USO1: variants seen among roughly 807,000 people sequenced by gnomAD.
USO1 encodes the protein USO1 vesicle transport factor, also known as general vesicular transport factor p115.
Under a neutral mutation model 124.5 loss-of-function variants are expected in USO1, and 57 were observed. That is an observed-to-expected ratio of 0.46 (90% CI 0.37 to 0.57). The LOEUF is 0.57. Ranked by LOEUF, USO1 falls within the 20% of genes least tolerant of loss-of-function variation. USO1 has a pLI of 0.00. For missense variants in USO1, 900 were observed against 1,040.6 expected, an observed-to-expected ratio of 0.86 and a Z score of 1.86; for synonymous variants, 369 against 362.8, an observed-to-expected ratio of 1.02 and a Z score of -0.19.
At chr4:75,744,844 A>C (rs1442137193) in intron 1 of USO1, 2 of 449,096 alleles carry the variant, frequency 4.5e-6, no homozygotes, top group South Asian at 3.3e-5. Context: ...GATACTTCCG[A>C]TGTGTTTTGT....
intron 14 of USO1, 100 bp downstream of exon 14, chr4:75,799,832 T>C (rs142180400): frequency 9.5e-6 from 13 of 1,364,554 alleles, no homozygotes; most frequent in African/African-American, 1.5e-5. Flanking sequence ...ATTTGAATTC[T>C]CCACTATCTT....
chr4:75,774,888 C>T, intron 8 of USO1, 92 bp downstream of exon 8: 1 of 1,457,024 alleles, frequency 6.9e-7, no homozygotes, highest in East Asian at 2.5e-5. Flanking sequence ...GAAATGGGGA[C>T]TCTTATTTAT....
intron 1 of USO1, among the ~76,000 whole-genome samples, chr4:75,725,193 C>G (rs546849644): frequency 3.9e-5 from 6 of 152,316 alleles, no homozygotes; most frequent in South Asian, 2.1e-4. Context: ...GATGCGCGGC[C>G]GAGCTGGCCC....
At chr4:75,792,098 A>G (rs1403991503) in intron 12 of USO1, among the ~76,000 whole-genome samples, 2 of 151,804 alleles carry the variant, frequency 1.3e-5, no homozygotes, top group African/African-American at 4.8e-5. Flanking sequence ...CTCATTAAGT[A>G]ATTTTGAAAT....
intron 1 of USO1, among the ~76,000 whole-genome samples, chr4:75,732,652 G>C (rs1438609408): frequency 3.3e-5 from 5 of 152,044 alleles, no homozygotes; most frequent in Non-Finnish European, 7.4e-5. Flanking sequence ...GCTGAGGCGG[G>C]CAGATCACGA....
In USO1 at chr4:75,808,950, T is replaced by C. The variant is rs1272429751; in HGVS notation, c.2377-3T>C. The C allele has an allele frequency of 6.3e-7, 1 of 1,592,072 alleles. No individual in the cohort carries two copies. The highest frequency in any genetic ancestry group is 8.6e-7 in the Non-Finnish European group (1 of 1,169,518). On this transcript the variant is annotated splice_polypyrimidine_tract_variant and splice_region_variant and intron_variant, in intron 20 of 23. Transcript: ENST00000514213. ...TTATGACTCAACTATTTTTGTCTCT[T>C]AGGAACTGGCAACTTTAAAGTCTCA... is the stretch of plus-strand genomic sequence containing the variant.
Position 75,808,915 on chromosome 4 carries a change from C to T in USO1, c.2377-38C>T, listed in dbSNP as rs765847928. On this transcript the variant is annotated intron_variant, in intron 20 of 23. Transcript: ENST00000514213. ...AAATATTTCCTTGATGAATTTAATA[C>T]CATTTAATGTTATGACTCAACTATT... 5 of 1,538,848 alleles carry T rather than the reference C, an allele frequency of 3.2e-6. No homozygotes were observed. The East Asian group carries it at 1.2e-4, about 36-fold the overall frequency.
At chr4:75,797,826 G>A (rs1262061418) in intron 13 of USO1, among the ~76,000 whole-genome samples, 1 of 151,964 alleles carries the variant, frequency 6.6e-6, no homozygotes, top group Non-Finnish European at 1.5e-5. Context: ...ATTTTTAGTA[G>A]AGACAGTGTT....
chr4:75,768,326 TCAG>T (rs985765111), intron 4 of USO1, among the ~76,000 whole-genome samples: 2 of 152,226 alleles, frequency 1.3e-5, no homozygotes, highest in African/African-American at 4.8e-5. Flanking sequence ...TCAATTTCTC[TCAG>T]CAGTGTTTTG....
chr4:75,790,893 C>G, intron 12 of USO1, 96 bp downstream of exon 12: 1 of 1,291,626 alleles, frequency 7.7e-7, no homozygotes, highest in South Asian at 1.9e-5. Flanking sequence ...GCCTAAAATA[C>G]TTTGCATGCT....
rs751709597 is a variant in USO1 at position 75,804,009 on chromosome 4, A to C, written c.1987-125A>C. On this transcript the variant is annotated intron_variant, in intron 17 of 23. Coordinates refer to ENST00000514213, the MANE Select transcript of USO1 (RefSeq NM_003715.4). ...CACCAAGTTGCTTAATTACTGAACG[A>C]TTTTGGAAGTGTTAAGCACTTTAGC... 5.5e-5 allele frequency: 69 copies of C among 1,263,682 alleles called. No individual in the cohort carries two copies. In the Middle Eastern group the frequency reaches 1.7e-3, roughly 30 times the overall value. The allele number at this position is 1,263,682 out of a possible 1,614,324, so 78.3% of individuals were successfully genotyped here.
In USO1 at chr4:75,757,520, A is replaced by G; in HGVS notation, c.242A>G (p.Tyr81Cys). 1 of 1,517,056 alleles carries G rather than the reference A, an allele frequency of 6.6e-7. No individual in the cohort carries two copies. Among genetic ancestry groups the G allele is most frequent in the Non-Finnish European group, 8.8e-7 (1 of 1,131,220 alleles). The allele number at this position is 1,517,056 out of a possible 1,614,324, so 94.0% of individuals were successfully genotyped here. ...TDRSDSEIIG[Y>C]ALDTLYNIIS... ...AGTTCAGATTCTGAAATAATAGGTT[A>G]TGCTTTGGACACACTATATAATATA... is the stretch of plus-strand genomic sequence containing the variant. The change falls in exon 4 of 24, where the codon TAT becomes TGT. Residue 81 changes from tyrosine (Y) to cysteine (C), a missense_variant. Transcript: ENST00000514213.
rs55928639 is a variant in USO1, at chr4:75,734,718, C to CTTTTTTTTTT, written c.66+9852_66+9861dup. On this transcript the variant is annotated intron_variant, in intron 1 of 23. Coordinates refer to ENST00000514213, the MANE Select transcript of USO1 (RefSeq NM_003715.4). ...CTGTAGATTGCTTTGGGCAGTATGG[C>CTTTTTTTTTT]TTTTTTTTTTTTTTTTTTTTTTTTT... Among the ~76,000 whole-genome samples, 97 of 47,464 alleles carry CTTTTTTTTTT rather than the reference C, an allele frequency of 2.0e-3. 30 individuals are homozygous for CTTTTTTTTTT. Among genetic ancestry groups the CTTTTTTTTTT allele is most frequent in the South Asian group, 2.6e-3 (2 of 760 alleles). 31.1% of individuals were successfully genotyped at this position (47,464 alleles called of 152,430 possible). A position where few individuals can be genotyped will look rare whatever the true frequency, so the allele number is the denominator to read the frequency against.
chr4:75,745,439 C>T (rs371635203), intron 1 of USO1: 9 of 488,114 alleles, frequency 1.8e-5, no homozygotes, highest in African/African-American at 1.2e-4. Flanking sequence ...CCCTGTAGTT[C>T]GCAACAGATA....
rs1003938875 is a variant in USO1 at position 75,752,358 on chromosome 4, A to G, written c.67-15A>G. On this transcript the variant is annotated splice_polypyrimidine_tract_variant and intron_variant, in intron 1 of 23. Coordinates refer to ENST00000514213, the MANE Select transcript of USO1 (RefSeq NM_003715.4). ...TTTTTTATTCTTTTAATGCCATTTTATTTTTTCATGACAGATTCAAAAGCT... is the reference window on the plus strand; with the variant it reads ...TTTTTTATTCTTTTAATGCCATTTTGTTTTTTCATGACAGATTCAAAAGCT... The G allele has an allele frequency of 2.5e-6, 1 of 397,684 alleles. No individual in the cohort carries two copies. Among genetic ancestry groups the G allele is most frequent in the Non-Finnish European group, 4.4e-6 (1 of 225,814 alleles). 24.6% of individuals were successfully genotyped at this position (397,684 alleles called of 1,614,324 possible).
intron 1 of USO1, among the ~76,000 whole-genome samples, chr4:75,743,966 T>C (rs1229117338): frequency 2.0e-5 from 3 of 151,982 alleles, no homozygotes; most frequent in Non-Finnish European, 4.4e-5. Flanking sequence ...TTAGTAGAGA[T>C]GGGGTTTCAC....
intron 14 of USO1, 74 bp from the exon 15 acceptor site, chr4:75,800,270 GAAGTATT>G: frequency 6.9e-7 from 1 of 1,439,966 alleles, no homozygotes; most frequent in Non-Finnish European, 9.3e-7. Flanking sequence ...ACTCTTATGT[GAAGTATT>G]AATGTATGTC....
chr4:75,754,364 T>C (rs1383828937), intron 3 of USO1, among the ~76,000 whole-genome samples: 1 of 151,942 alleles, frequency 6.6e-6, no homozygotes, highest in African/African-American at 2.4e-5. Context: ...ATTACAGGTG[T>C]GAGCCACCAC....
intron 12 of USO1, 76 bp from the exon 13 acceptor site, chr4:75,793,614 C>G (rs1337159989): frequency 3.9e-6 from 6 of 1,523,618 alleles, no homozygotes; most frequent in Non-Finnish European, 4.4e-6. Flanking sequence ...TTTATGTGTA[C>G]AGAAAACAAT....
Sources: allele counts gnomAD v4.1 joint callset (sites outside exome capture counted in the v4.1 genomes callset), GRCh38; gene constraint gnomAD v4.1.1; transcripts MANE v1.5; gene names NCBI Gene and HGNC (gene_info 2026-07-23, HGNC 2026-07-21).